The following ELMO2 variants were observed in gnomAD, a reference collection of about 807,000 sequenced individuals.
ELMO2 encodes engulfment and cell motility protein 2.
In ELMO2, 37 loss-of-function variants were observed where a neutral mutation model predicts 96.2. The ratio of observed to expected loss-of-function variants is 0.38; its 90% CI spans 0.30 to 0.51. The LOEUF (loss-of-function observed/expected upper bound fraction) is 0.51, where lower values mean the gene tolerates loss of function less well. ELMO2 is among the 20% of genes least tolerant of loss of function. The pLI is 0.88. For missense variants in ELMO2, 561 were observed against 912.6 expected (o/e 0.61, Z 4.96); for synonymous variants, 315 against 329.4 (o/e 0.96, Z 0.47).
intron 7 of ELMO2, 93 bp from the exon 8 acceptor site, chr20:46,387,530 G>T: frequency 2.3e-6 from 2 of 883,722 alleles, no homozygotes; most frequent in Non-Finnish European, 3.6e-6. Flanking sequence ...GAATTTTAAT[G>T]TGAACACCCC....
chr20:46,380,327 T>A, intron 10 of ELMO2, 24 bp from the exon 11 acceptor site: 1 of 1,605,548 alleles, frequency 6.2e-7, no homozygotes. Context: ...TAAGCAAATA[T>A]AAGGCAGGGT....
intron 9 of ELMO2, among the ~76,000 whole-genome samples, chr20:46,385,121 G>A (rs2060018623): frequency 6.6e-6 from 1 of 152,170 alleles, no homozygotes; most frequent in South Asian, 2.1e-4. Context: ...TCCCAAATCT[G>A]GGAGCTATGA....
chr20:46,395,641 A>G (rs17469458), intron 2 of ELMO2, among the ~76,000 whole-genome samples: 8,032 of 152,268 alleles, frequency 0.053, 241 homozygotes, highest in Middle Eastern at 0.13. Flanking sequence ...CAGCCTGGTA[A>G]GTATAAACCT....
intron 10 of ELMO2, among the ~76,000 whole-genome samples, chr20:46,382,593 G>T (rs774792367): frequency 6.6e-6 from 1 of 152,178 alleles, no homozygotes; most frequent in Non-Finnish European, 1.5e-5. Flanking sequence ...GAGAAACTGA[G>T]ACCCAAAAAG....
chr20:46,375,869 G>C lies in ELMO2; in HGVS notation c.808-79C>G. 2 of 1,575,922 alleles carry C rather than the reference G, an allele frequency of 1.3e-6. No individual in the cohort carries two copies. The highest frequency in any genetic ancestry group is 1.7e-6 in the Non-Finnish European group (2 of 1,154,168). ...GGGCCACATCCATGCTAAGGAAAAG[G>C]AATGTATGTTGGGAAGGGAACAGAG... On this transcript the variant is annotated intron_variant, in intron 11 of 21. Transcript: ENST00000290246. The surrounding 1 kb of genome is among the most constrained non-coding windows in gnomAD (Gnocchi z 4.6).
At position 46,387,305 on chromosome 20, in the gene ELMO2, G is replaced by A. The variant is rs764939906; in HGVS notation, c.525+33C>T. 27 of 1,585,162 alleles carry A rather than the reference G, an allele frequency of 1.7e-5. No individual in the cohort carries two copies. In the Admixed American group the frequency reaches 4.2e-4, roughly 25 times the overall value. The stretch of plus-strand genomic sequence containing the variant: ...AAGCCTTGTGAACTGGCAGCTGAGG[G>A]AGGAGAGAAAGACAGAATGTTGGAG... On this transcript the variant is annotated intron_variant, in intron 8 of 21. Coordinates refer to ENST00000290246, the MANE Select transcript of ELMO2 (RefSeq NM_133171.5).
chr20:46,388,301 T>C (rs2060085353), intron 7 of ELMO2, among the ~76,000 whole-genome samples: 1 of 152,196 alleles, frequency 6.6e-6, no homozygotes, highest in Admixed American at 6.5e-5. Context: ...GAAGATCCAA[T>C]ATGTAAAACA....
At chr20:46,395,861 A>G (rs961885047) in intron 2 of ELMO2, among the ~76,000 whole-genome samples, 1 of 152,276 alleles carries the variant, frequency 6.6e-6, no homozygotes, top group Non-Finnish European at 1.5e-5. Context: ...CAGCCCCACG[A>G]ATTAGGCAGA....
chr20:46,400,681 C>G (rs745976305), intron 1 of ELMO2, among the ~76,000 whole-genome samples: 2 of 152,244 alleles, frequency 1.3e-5, no homozygotes, highest in African/African-American at 2.4e-5. Context: ...ACACACTGAC[C>G]TGATGACAAT....
In ELMO2 at chr20:46,375,248, C is replaced by T; in HGVS notation, c.1053G>A (p.Met351Ile). The change falls in exon 13 of 22, where the codon ATG becomes ATA. Residue 351 changes from methionine (M) to isoleucine (I), a missense_variant. Met to Ile is a conservative substitution (Grantham distance 10). Transcript: ENST00000290246. This position sits in a 1 kb window ranked among gnomAD's most constrained non-coding sequence, Gnocchi z 4.6. ...RKAMYTKDYK[M>I]LGFTNHINPA... Reference sequence around the variant, plus strand: ...CTGAGGTACTTACGGTAAATCCCAGCATTTTGTAGTCCTTTGTGTACATGG... The same window carrying T: ...CTGAGGTACTTACGGTAAATCCCAGTATTTTGTAGTCCTTTGTGTACATGG... 2 of 1,614,016 alleles carry T rather than the reference C, an allele frequency of 1.2e-6. No individual in the cohort carries two copies. Among genetic ancestry groups the T allele is most frequent in the Non-Finnish European group, 1.7e-6 (2 of 1,180,012 alleles).
In ELMO2 at chr20:46,373,390, G is replaced by C. The variant is rs770529533; in HGVS notation, c.1416+9C>G. 32 of 1,614,014 alleles carry C rather than the reference G, an allele frequency of 2.0e-5. No homozygotes were observed. Among genetic ancestry groups the C allele is most frequent in the Non-Finnish European group, 2.6e-5 (31 of 1,180,022 alleles). On this transcript the variant is annotated intron_variant, in intron 16 of 21. Transcript: ENST00000290246. ...CCCGTGGGCCTCAGAGCAGCCCGGA[G>C]ACACTGACCTTGTTGAAGTCCTCTG...
In ELMO2 at chr20:46,375,213, C is replaced by A. The variant is rs749331283; in HGVS notation, c.1065+23G>T. ...CCCATCAGGGGAGAGGGCCTACCAC[C>A]GTCTATGCTCTGAGGTACTTACGGT... On this transcript the variant is annotated intron_variant, in intron 13 of 21. Coordinates refer to ENST00000290246, the MANE Select transcript of ELMO2 (RefSeq NM_133171.5). This position sits in a 1 kb window ranked among gnomAD's most constrained non-coding sequence, Gnocchi z 4.6. 3 of 1,609,638 alleles carry A rather than the reference C, an allele frequency of 1.9e-6. No individual in the cohort carries two copies. Among genetic ancestry groups the A allele is most frequent in the Non-Finnish European group, 2.5e-6 (3 of 1,178,474 alleles).
chr20:46,403,084 T>C lies in ELMO2; in HGVS notation c.-126+3464A>G, dbSNP rs1363099439. Among the ~76,000 whole-genome samples, 5 of 152,350 alleles carry C rather than the reference T, an allele frequency of 3.3e-5. No individual in the cohort carries two copies. The East Asian group carries it at 5.8e-4, about 18-fold the overall frequency. ...TGGGATAATAAAGCACTAAGCATAA[T>C]AGCAGAATTCTAACCGTGTGAACCT... On this transcript the variant is annotated intron_variant, in intron 1 of 21. Transcript: ENST00000290246.
intron 21 of ELMO2, 137 bp from the exon 22 acceptor site, chr20:46,367,697 T>C (rs950550956): frequency 4.2e-5 from 22 of 527,436 alleles, no homozygotes; most frequent in South Asian, 2.0e-4. Flanking sequence ...TTTGGAATGA[T>C]AGCAAAGATA....
intron 21 of ELMO2, 35 bp from the exon 22 acceptor site, chr20:46,367,595 A>T: frequency 1.3e-6 from 2 of 1,532,230 alleles, no homozygotes; most frequent in Admixed American, 2.0e-5. Context: ...TCACATCGTG[A>T]CCCCTGGTCA....
intron 13 of ELMO2, among the ~76,000 whole-genome samples, chr20:46,374,989 C>T (rs532011488): frequency 6.6e-6 from 1 of 152,368 alleles, no homozygotes; most frequent in African/African-American, 2.4e-5. Context: ...CAGGTCCCCT[C>T]TCTACCCACT....
rs769804552 is a variant in ELMO2 at position 46,389,022 on chromosome 20, A to G, written c.425+17T>C. 5.6e-6 allele frequency: 9 copies of G among 1,607,984 alleles called. No homozygotes were observed. In the South Asian group the frequency reaches 8.8e-5, roughly 16 times the overall value. On this transcript the variant is annotated intron_variant, in intron 7 of 21. Transcript: ENST00000290246. ...AAATCGTCGAAGTCCTTGGAACGAG[A>G]CCTTAGTCATACTCACTGGGACAAG...
In ELMO2 at chr20:46,374,389, G is replaced by A. The variant is rs1183123716; in HGVS notation, c.1222C>T (p.Arg408Cys). 1 of 1,614,110 alleles carries A rather than the reference G, an allele frequency of 6.2e-7. No homozygotes were observed. Among genetic ancestry groups the A allele is most frequent in the Non-Finnish European group, 8.5e-7 (1 of 1,180,024 alleles). The change falls in exon 15 of 22, where the codon CGC becomes TGC. Residue 408 changes from arginine (R) to cysteine (C), a missense_variant. Transcript: ENST00000290246. The stretch of plus-strand genomic sequence containing the variant: ...ATTTTGGTGAGCTCAATGGCACTGC[G>A]GCCAAAGGGGCATTCATGTTTGTCT... ...REDKHECPFG[R>C]SAIELTKMLC...
intron 11 of ELMO2, chr20:46,376,877 G>A (rs2059869744): frequency 8.4e-7 from 1 of 1,186,366 alleles, no homozygotes; most frequent in African/African-American, 1.6e-5. Flanking sequence ...ATTTAAATCA[G>A]TTAAAACAAA....
Sources: gnomAD v4.1 joint callset for allele counts (sites outside exome capture counted in the v4.1 genomes callset) on GRCh38, gnomAD v4.1.1 for gene constraint, Gnocchi (gnomAD v3.1) non-coding constraint, MANE v1.5 for transcripts, NCBI Gene and HGNC (gene_info 2026-07-23, HGNC 2026-07-21) for gene names.